TUSC3: variants seen among roughly 807,000 people sequenced by gnomAD.
The protein encoded by TUSC3 is dolichyl-diphosphooligosaccharide--protein glycosyltransferase subunit TUSC3.
In TUSC3, 45 loss-of-function variants were observed where a neutral mutation model predicts 44.8. The ratio of observed to expected loss-of-function variants is 1.00; its 90% CI spans 0.79 to 1.29. The LOEUF (loss-of-function observed/expected upper bound fraction) is 1.29, where lower values mean the gene tolerates loss of function less well. Among genes scored for constraint, TUSC3 ranks in the 50% most tolerant of loss-of-function variants. The probability of loss-of-function intolerance (pLI) is 0.00; values close to 1 mark genes in which losing one functional copy is unlikely to be tolerated. For missense variants in TUSC3, 519 were observed against 437.9 expected, an observed-to-expected ratio of 1.19 and a Z score of -1.65; for synonymous variants, 212 against 152.9, an observed-to-expected ratio of 1.39 and a Z score of -2.85.
chr8:15,711,841 A>G (rs971064315), intron 6 of TUSC3, among the ~76,000 whole-genome samples: 8 of 151,848 alleles, frequency 5.3e-5, no homozygotes, highest in African/African-American at 1.9e-4. Flanking sequence ...ATAGTTTCAG[A>G]GTATATTTTA....
In TUSC3 at chr8:15,674,519, G is replaced by C. The variant is rs1219400130; in HGVS notation, c.798+683G>C. ...TTCTTTTGGAAAAGATACGTATTTT[G>C]AGAATAATATAATGGCATGGCTTCT... On this transcript the variant is annotated intron_variant, in intron 6 of 10. Coordinates refer to ENST00000503731, the MANE Select transcript of TUSC3 (RefSeq NM_006765.4). Among the ~76,000 whole-genome samples, 27 of 151,858 alleles carry C rather than the reference G, an allele frequency of 1.8e-4. 1 individual carries two copies. Among genetic ancestry groups the C allele is most frequent in the Admixed American group, 9.2e-4 (14 of 15,238 alleles).
chr8:15,578,012 C>T (rs1365295578), intron 1 of TUSC3, among the ~76,000 whole-genome samples: 1 of 149,308 alleles, frequency 6.7e-6, no homozygotes, highest in Non-Finnish European at 1.5e-5. Context: ...TGTAGTTCTC[C>T]TTGAAGAGGT....
intron 6 of TUSC3, among the ~76,000 whole-genome samples, chr8:15,684,515 G>A (rs915019750): frequency 5.3e-5 from 8 of 152,160 alleles, no homozygotes; most frequent in East Asian, 3.9e-4. Context: ...TAAGCTTGTC[G>A]TAAGCCTTCT....
intron 6 of TUSC3, among the ~76,000 whole-genome samples, chr8:15,679,547 A>C (rs1301025970): frequency 6.6e-6 from 1 of 152,036 alleles, no homozygotes; most frequent in Non-Finnish European, 1.5e-5. Context: ...GTAGGTTGTC[A>C]ATTTACTCAA....
intron 1 of TUSC3, among the ~76,000 whole-genome samples, chr8:15,478,736 G>T (rs1800617563): frequency 6.6e-6 from 1 of 152,122 alleles, no homozygotes; most frequent in South Asian, 2.1e-4. Context: ...GTGCTGCAAA[G>T]AACATATGTG....
intron 2 of TUSC3, among the ~76,000 whole-genome samples, chr8:15,517,169 G>T (rs1425680159): frequency 2.0e-5 from 3 of 152,052 alleles, no homozygotes; most frequent in South Asian, 2.1e-4. Context: ...TGTCACTTGA[G>T]ATTACACCAA....
At chr8:15,446,764 A>G (rs1433002701) in intron 1 of TUSC3, among the ~76,000 whole-genome samples, 1 of 126,896 alleles carries the variant, frequency 7.9e-6, no homozygotes, top group Non-Finnish European at 1.7e-5. Context: ...GGGGAGGGAG[A>G]GCTATTTTTT....
chr8:15,651,648 C>G (rs531912898), intron 3 of TUSC3, among the ~76,000 whole-genome samples: 9 of 152,258 alleles, frequency 5.9e-5, no homozygotes, highest in African/African-American at 4.8e-5. Flanking sequence ...GAGCCTCACC[C>G]GAAACCAACT....
chr8:15,692,378 T>G (rs1808950761), intron 6 of TUSC3, among the ~76,000 whole-genome samples: 2 of 37,744 alleles, frequency 5.3e-5, no homozygotes, highest in Middle Eastern at 8.5e-3. Flanking sequence ...CCCCTTTGTT[T>G]TTTTTTTTTT....
chr8:15,773,681 A>G, the TUSC3 span, among the ~76,000 whole-genome samples: 48 of 152,298 alleles, frequency 3.2e-4, no homozygotes, highest in East Asian at 8.7e-3. Flanking sequence ...AACTTAATAC[A>G]ATTCTACAAT....
chr8:15,507,048 G>C (rs549603551), intron 2 of TUSC3, among the ~76,000 whole-genome samples: 5 of 152,096 alleles, frequency 3.3e-5, no homozygotes, highest in Non-Finnish European at 7.4e-5. Flanking sequence ...CATTTTGAAG[G>C]CTCCCATGTA....
chr8:15,728,290 T>A (rs2129207181), intron 6 of TUSC3, among the ~76,000 whole-genome samples: 1 of 152,246 alleles, frequency 6.6e-6, no homozygotes, highest in Admixed American at 6.5e-5. Flanking sequence ...GCTATTGCAA[T>A]CATCTAGGCA....
At chr8:15,741,245 A>G (rs925659588) in intron 7 of TUSC3, among the ~76,000 whole-genome samples, 11 of 152,128 alleles carry the variant, frequency 7.2e-5, no homozygotes, top group Admixed American at 6.5e-5. Context: ...CATACATTTT[A>G]TTTTGTAGGC....
the TUSC3 span, among the ~76,000 whole-genome samples, chr8:15,818,615 C>T: frequency 2.0e-5 from 3 of 152,140 alleles, no homozygotes; most frequent in African/African-American, 2.4e-5. Flanking sequence ...CACGGAGGAT[C>T]AGAACAGGGT....
chr8:15,670,072 A>T (rs1018768054), intron 5 of TUSC3, among the ~76,000 whole-genome samples: 3 of 151,924 alleles, frequency 2.0e-5, no homozygotes, highest in Non-Finnish European at 2.9e-5. Context: ...AAAGATATGC[A>T]CACTGAAAAC....
At chr8:15,744,838 T>A (rs1055938567) in intron 8 of TUSC3, among the ~76,000 whole-genome samples, 31 of 152,060 alleles carry the variant, frequency 2.0e-4, no homozygotes, top group African/African-American at 7.5e-4. Context: ...GGGGTTTATG[T>A]ATAAGTTTGT....
At chr8:15,705,456 C>T (rs981225838) in intron 6 of TUSC3, among the ~76,000 whole-genome samples, 5 of 151,928 alleles carry the variant, frequency 3.3e-5, no homozygotes, top group African/African-American at 4.8e-5. Context: ...CTAACAGTAA[C>T]GTGTAGTGTA....
rs558205654 is a variant in TUSC3 at position 15,507,611 on chromosome 8, A to T, written n.189+24128A>T. ...TCTAAAGTCAAAAGAATCTATAAAG[A>T]TGTAAATCAGGATGATTTCGGAAAC... On this transcript the variant is annotated intron_variant and non_coding_transcript_variant, in intron 2 of 5. Coordinates refer to the TUSC3 transcript ENST00000503191. Among the ~76,000 whole-genome samples the T allele has an allele frequency of 7.2e-5, 11 of 152,328 alleles. No individual in the cohort carries two copies. In the South Asian group the frequency reaches 2.1e-3, roughly 29 times the overall value.
At chr8:15,711,754 C>T (rs573686668) in intron 6 of TUSC3, among the ~76,000 whole-genome samples, 1 of 151,758 alleles carries the variant, frequency 6.6e-6, no homozygotes, top group East Asian at 1.9e-4. Flanking sequence ...AAAGATAATG[C>T]TATAATTGCA....
Sources: allele counts gnomAD v4.1 joint callset (sites outside exome capture counted in the v4.1 genomes callset), GRCh38; gene constraint gnomAD v4.1.1; transcripts MANE v1.5; gene names NCBI Gene and HGNC (gene_info 2026-07-23, HGNC 2026-07-21).